The following LAMA4 variants were observed in gnomAD, a reference collection of about 807,000 sequenced individuals.
The protein encoded by LAMA4 is laminin subunit alpha 4, also known as laminin subunit alpha-4.
A neutral mutation model predicts 207.1 loss-of-function variants in LAMA4; 127 were observed. That is an observed-to-expected ratio of 0.61 (90% CI 0.53 to 0.71). The LOEUF is 0.71. LAMA4 is among the 30% of genes least tolerant of loss of function. LAMA4 has a pLI of 0.00. For synonymous variants in LAMA4, 761 were observed against 816.0 expected (o/e 0.93, Z 1.15); for missense variants, 2,093 against 2,246.5 (o/e 0.93, Z 1.38).
chr6:112,146,549 C>G (rs1373582393), intron 18 of LAMA4, among the ~76,000 whole-genome samples: 1 of 152,128 alleles, frequency 6.6e-6, no homozygotes, highest in Non-Finnish European at 1.5e-5. Flanking sequence ...TTCTAATGCA[C>G]ACTAGTATTT....
At chr6:112,169,543 G>A (rs1781593322) in intron 12 of LAMA4, among the ~76,000 whole-genome samples, 1 of 152,230 alleles carries the variant, frequency 6.6e-6, no homozygotes, top group Non-Finnish European at 1.5e-5. Context: ...ACTGAGGGAA[G>A]AGATGGGGGC....
At chr6:112,160,971 C>T (rs1268880709) in intron 13 of LAMA4, among the ~76,000 whole-genome samples, 2 of 152,224 alleles carry the variant, frequency 1.3e-5, no homozygotes, top group Non-Finnish European at 2.9e-5. Flanking sequence ...CTTCTCTCAC[C>T]AATTTCATCA....
At chr6:112,143,979 T>C (rs1433703444) in intron 19 of LAMA4, among the ~76,000 whole-genome samples, 1 of 152,206 alleles carries the variant, frequency 6.6e-6, no homozygotes, top group Non-Finnish European at 1.5e-5. Context: ...CATTACGAAA[T>C]AGTTGATTTC....
chr6:112,208,891 C>A (rs1462866741), intron 3 of LAMA4, among the ~76,000 whole-genome samples: 1 of 152,060 alleles, frequency 6.6e-6, no homozygotes, highest in East Asian at 1.9e-4. Flanking sequence ...CAATGAGAAA[C>A]TCTGAAAAAT....
rs782820090 is a variant in LAMA4, at chr6:112,155,718, C to G, written c.1818-12G>C. 8 of 1,613,674 alleles carry G rather than the reference C, an allele frequency of 5.0e-6. No individual in the cohort carries two copies. In the Admixed American group the frequency reaches 1.3e-4, roughly 27 times the overall value. ...AACTGTGCAACTTCCTGTTAATAAA[C>G]AAACATTGTTATTTCTCCTTCTTAC... On this transcript the variant is annotated splice_polypyrimidine_tract_variant and intron_variant, in intron 14 of 38. Coordinates refer to ENST00000230538, the MANE Select transcript of LAMA4 (RefSeq NM_001105206.3).
rs782106582 is a variant in LAMA4 at position 112,179,884 on chromosome 6, A to C, written c.1078-1652T>G. The C allele has an allele frequency of 2.6e-5, 14 of 532,104 alleles. No individual in the cohort carries two copies. The East Asian group carries it at 7.1e-4, about 27-fold the overall frequency. The allele number at this position is 532,104 out of a possible 1,614,324, so 33.0% of individuals were successfully genotyped here. ...CATAAACTGTGGGCTCTCTGAATGG[A>C]CACTGTCTTCTGAGTCATTATACTC... is the stretch of plus-strand genomic sequence containing the variant. On this transcript the variant is annotated intron_variant, in intron 9 of 38. Transcript: ENST00000230538.
rs782424211 is a variant in LAMA4, at chr6:112,183,950, C to CAAA, written c.1077+1284_1077+1286dup. 1.6e-3 allele frequency among the ~76,000 whole-genome samples: 131 copies of CAAA among 81,554 alleles called. 1 individual carries two copies. Among genetic ancestry groups the CAAA allele is most frequent in the South Asian group, 3.3e-3 (7 of 2,134 alleles). The allele number at this position is 81,554 out of a possible 152,430, so 53.5% of individuals were successfully genotyped here. A position where few individuals can be genotyped will look rare whatever the true frequency, so the allele number is the denominator to read the frequency against. ...TGGGCAACAAAGCGAGACTCCATCTCAAAAAAAAAAAAAAAAAAAGAAAAA... is the reference window on the plus strand; with the variant it reads ...TGGGCAACAAAGCGAGACTCCATCTCAAAAAAAAAAAAAAAAAAAAAAGAAAAA... On this transcript the variant is annotated intron_variant, in intron 9 of 38. Transcript: ENST00000230538.
rs68144829 is a variant in LAMA4 at position 112,150,202 on chromosome 6, GACACACAC to G, written c.2173+301_2173+308del. On this transcript the variant is annotated intron_variant, in intron 17 of 38. Coordinates refer to ENST00000230538, the MANE Select transcript of LAMA4 (RefSeq NM_001105206.3). ...TATAAACAGCATGATCCCATTAAAA[GACACACAC>G]ACACACACACACACACACACACACA... Among the ~76,000 whole-genome samples the G allele has an allele frequency of 1.4e-3, 202 of 143,332 alleles. 1 individual carries two copies. Among genetic ancestry groups the G allele is most frequent in the Middle Eastern group, 0.011 (3 of 280 alleles). 94.0% of individuals were successfully genotyped at this position (143,332 alleles called of 152,430 possible). A position where few individuals can be genotyped will look rare whatever the true frequency, so the allele number is the denominator to read the frequency against.
rs1554320388 is a variant in LAMA4, at chr6:112,108,033, CATT to C, written c.*1401_*1403del. ...TGTTTATCGATATCTTCAACATTAT[CATT>C]ATTTGTATATTTCAGACAGAAGGGT... is the stretch of plus-strand genomic sequence containing the variant. On this transcript the variant is annotated 3_prime_UTR_variant, in exon 39 of 39. Coordinates refer to ENST00000230538, the MANE Select transcript of LAMA4 (RefSeq NM_001105206.3). 6.6e-6 allele frequency among the ~76,000 whole-genome samples: 1 copy of C among 152,036 alleles called. No homozygotes were observed. The highest frequency in any genetic ancestry group is 1.5e-5 in the Non-Finnish European group (1 of 67,960).
At chr6:112,233,182 C>G (rs1257999590) in intron 2 of LAMA4, among the ~76,000 whole-genome samples, 1 of 152,188 alleles carries the variant, frequency 6.6e-6, no homozygotes, top group African/African-American at 2.4e-5. Flanking sequence ...TTGACTTGTT[C>G]TTCAGAATTA....
At position 112,109,354 on chromosome 6, in the gene LAMA4, G is replaced by C; in HGVS notation, c.*83C>G. ...CGATGAAAGCTTCCACCCGAAGGAA[G>C]AGTTACTGTTCCTCCTGGCTGGCTT... On this transcript the variant is annotated 3_prime_UTR_variant, in exon 39 of 39. Transcript: ENST00000230538. 8.9e-6 allele frequency: 13 copies of C among 1,457,830 alleles called. No individual in the cohort carries two copies. The highest frequency in any genetic ancestry group is 1.2e-5 in the Non-Finnish European group (13 of 1,045,972). 90.3% of individuals were successfully genotyped at this position (1,457,830 alleles called of 1,614,324 possible). A position where few individuals can be genotyped will look rare whatever the true frequency, so the allele number is the denominator to read the frequency against.
chr6:112,167,387 G>A (rs894366521), intron 12 of LAMA4, among the ~76,000 whole-genome samples: 3 of 152,158 alleles, frequency 2.0e-5, no homozygotes, highest in Non-Finnish European at 4.4e-5. Context: ...GGGTGACAGA[G>A]TAAGACTGTG....
intron 7 of LAMA4, 40 bp downstream of exon 7, chr6:112,189,070 G>C (rs1554347615): frequency 1.4e-6 from 2 of 1,402,868 alleles, no homozygotes; most frequent in East Asian, 4.6e-5. Context: ...CAGCACATTA[G>C]AGAAAGTGGG....
intron 13 of LAMA4, among the ~76,000 whole-genome samples, chr6:112,162,616 G>A (rs9487835): frequency 0.037 from 5,652 of 152,250 alleles, 359 homozygotes; most frequent in African/African-American, 0.13. Context: ...TTATTGAGAT[G>A]GAGAAGACTG....
intron 29 of LAMA4, 42 bp from the exon 30 acceptor site, chr6:112,130,082 A>AT: frequency 6.4e-7 from 1 of 1,570,742 alleles, no homozygotes. Flanking sequence ...CAGAGCTAGC[A>AT]TTTTACCTTG....
intron 14 of LAMA4, among the ~76,000 whole-genome samples, 179 bp downstream of exon 14, chr6:112,158,553 C>G (rs1554337512): frequency 6.6e-6 from 1 of 151,936 alleles, no homozygotes; most frequent in Non-Finnish European, 1.5e-5. Context: ...ACCAACCAAC[C>G]AACCAACCAA....
intron 6 of LAMA4, among the ~76,000 whole-genome samples, chr6:112,191,287 C>A (rs1783105777): frequency 6.6e-6 from 1 of 152,046 alleles, no homozygotes; most frequent in South Asian, 2.1e-4. Context: ...TGGCCTGAAC[C>A]ATGCAAGATT....
chr6:112,190,938 T>A lies in LAMA4; in HGVS notation c.718+698A>T, dbSNP rs1415406628. The stretch of plus-strand genomic sequence containing the variant: ...TTCTTTCTTTCTTTCTTTCTTTCTT[T>A]CTTTCTTTCCTTTCTTTCTTTCTTT... On this transcript the variant is annotated intron_variant, in intron 6 of 38. Coordinates refer to ENST00000230538, the MANE Select transcript of LAMA4 (RefSeq NM_001105206.3). Among the ~76,000 whole-genome samples, 229 of 59,956 alleles carry A rather than the reference T, an allele frequency of 3.8e-3. 2 individuals carry two copies. Among genetic ancestry groups the A allele is most frequent in the Non-Finnish European group, 6.0e-3 (182 of 30,124 alleles). The allele number at this position is 59,956 out of a possible 152,430, so 39.3% of individuals were successfully genotyped here. A position where few individuals can be genotyped will look rare whatever the true frequency, so the allele number is the denominator to read the frequency against.
intron 25 of LAMA4, among the ~76,000 whole-genome samples, chr6:112,135,644 T>C (rs1214825945): frequency 3.3e-5 from 5 of 152,234 alleles, no homozygotes; most frequent in Non-Finnish European, 4.4e-5. Context: ...GGGGATTCTT[T>C]GTGAGTTCTC....
Sources: allele counts gnomAD v4.1 joint callset (sites outside exome capture counted in the v4.1 genomes callset), GRCh38; gene constraint gnomAD v4.1.1; transcripts MANE v1.5; gene names NCBI Gene and HGNC (gene_info 2026-07-23, HGNC 2026-07-21).